DEK: variants seen among roughly 807,000 people sequenced by gnomAD.
DEK encodes the protein DEK proto-oncogene.
DEK carries 28 observed loss-of-function variants against 46.8 expected under a neutral mutation model. The ratio of observed to expected loss-of-function variants is 0.60; its 90% CI spans 0.44 to 0.82. The LOEUF (loss-of-function observed/expected upper bound fraction) is 0.82. Ranked by LOEUF, DEK falls within the 40% of genes least tolerant of loss-of-function variation. The probability of loss-of-function intolerance (pLI) is 0.00; values close to 1 mark genes in which losing one functional copy is unlikely to be tolerated. For missense variants in DEK, 416 were observed against 430.6 expected (o/e 0.97, Z 0.30); for synonymous variants, 160 against 144.5 (o/e 1.11, Z -0.77).
Position 18,258,039 on chromosome 6 carries a change from T to C in DEK, c.271A>G (p.Ile91Val), listed in dbSNP as rs1352064035. 6.2e-7 allele frequency: 1 copy of C among 1,609,822 alleles called. No individual in the cohort carries two copies. ...CTTAGAAAAAAATGTATCCTCTCAATTTCACAAAGTTTCTGCCCCTTTCCT... is the reference window on the plus strand; with the variant it reads ...CTTAGAAAAAAATGTATCCTCTCAACTTCACAAAGTTTCTGCCCCTTTCCT... ...AQGKGQKLCE[I>V]ERIHFFLSKK... The change falls in exon 4 of 11, where the codon ATT becomes GTT. Residue 91 changes from isoleucine (I) to valine (V), a missense_variant. Ile to Val is a conservative substitution (Grantham distance 29). Transcript: ENST00000652689.
At chr6:18,251,500 A>C (rs1791372635) in intron 6 of DEK, among the ~76,000 whole-genome samples, 1 of 152,198 alleles carries the variant, frequency 6.6e-6, no homozygotes, top group South Asian at 2.1e-4. Context: ...ACCCTTCTAA[A>C]GGCACACTAG....
At chr6:18,249,179 A>G (rs1257474905) in intron 7 of DEK, among the ~76,000 whole-genome samples, 1 of 152,220 alleles carries the variant, frequency 6.6e-6, no homozygotes, top group East Asian at 1.9e-4. Flanking sequence ...CTCATTATAT[A>G]AACTTCAAAT....
chr6:18,255,326 A>T (rs922421944), intron 6 of DEK, among the ~76,000 whole-genome samples: 5 of 152,198 alleles, frequency 3.3e-5, no homozygotes, highest in African/African-American at 1.2e-4. Flanking sequence ...TCCAGGATCT[A>T]GGAAAACATC....
chr6:18,227,263 TGTCTCG>T (rs1381636345), intron 9 of DEK, among the ~76,000 whole-genome samples: 22 of 152,114 alleles, frequency 1.4e-4, no homozygotes, highest in Non-Finnish European at 2.8e-4. Flanking sequence ...GGCAATGGAA[TGTCTCG>T]GTATAAAACC....
In DEK at chr6:18,225,512, G is replaced by C; in HGVS notation, c.*207C>G. 2.0e-6 allele frequency: 1 copy of C among 492,592 alleles called. No homozygotes were observed. The highest frequency in any genetic ancestry group is 3.6e-6 in the Non-Finnish European group (1 of 280,406). 30.5% of individuals were successfully genotyped at this position (492,592 alleles called of 1,614,324 possible). On this transcript the variant is annotated 3_prime_UTR_variant, in exon 11 of 11. Coordinates refer to ENST00000652689, the MANE Select transcript of DEK (RefSeq NM_003472.4). Reference sequence around the variant, plus strand: ...GCAAGGAACAATTAATGCCATGCAAGATTTTAAACTAAAAATGGCATAGAA... The same window carrying C: ...GCAAGGAACAATTAATGCCATGCAACATTTTAAACTAAAAATGGCATAGAA...
At position 18,237,563 on chromosome 6, in the gene DEK, C is replaced by A. The variant is rs201125525; in HGVS notation, c.763-47G>T. On this transcript the variant is annotated intron_variant, in intron 7 of 10. Coordinates refer to ENST00000652689, the MANE Select transcript of DEK (RefSeq NM_003472.4). ...GTACACATATTGATGAGATTCAATG[C>A]TATCCCATCCCATCCCTCTACTTCC... The A allele has an allele frequency of 1.4e-5, 22 of 1,554,210 alleles. No homozygotes were observed. The South Asian group carries it at 2.7e-4, about 19-fold the overall frequency.
chr6:18,263,680 C>A (rs917419396), intron 2 of DEK, among the ~76,000 whole-genome samples, 163 bp downstream of exon 2: 1 of 152,232 alleles, frequency 6.6e-6, no homozygotes, highest in Non-Finnish European at 1.5e-5. Context: ...TCTACGCCAT[C>A]GCTCAAAACA....
At chr6:18,254,479 G>A (rs150921583) in intron 6 of DEK, among the ~76,000 whole-genome samples, 55 of 151,824 alleles carry the variant, frequency 3.6e-4, no homozygotes, top group African/African-American at 1.1e-3. Context: ...CTTTTGAAAA[G>A]TTATTTTTCC....
rs1437569089 is a variant in DEK, at chr6:18,263,866, T to G, written c.122A>C (p.Glu41Ala). The G allele has an allele frequency of 1.3e-5, 21 of 1,612,512 alleles. No individual in the cohort carries two copies. The highest frequency in any genetic ancestry group is 1.8e-5 in the Non-Finnish European group (21 of 1,179,296). Residue 41 changes from glutamate (E) to alanine (A), a missense_variant, in exon 2 of 11, where the codon GAG becomes GCG. By Grantham distance (107) the Glu-to-Ala change is moderately radical (BLOSUM62 -1). Coordinates refer to ENST00000652689, the MANE Select transcript of DEK (RefSeq NM_003472.4). ...ESEEEEDEDDEEEEEEEKEKS... is the reference protein window; with the variant it reads ...ESEEEEDEDDAEEEEEEKEKS... ...ACCTTTTTCCTCCTCCTCCTCCTCCTCGTCGTCCTCGTCCTCTTCCTCCTC... is the reference window on the plus strand; with the variant it reads ...ACCTTTTTCCTCCTCCTCCTCCTCCGCGTCGTCCTCGTCCTCTTCCTCCTC...
Position 18,236,624 on chromosome 6 carries a change from A to C in DEK, c.899-24T>G, listed in dbSNP as rs767820868. On this transcript the variant is annotated intron_variant, in intron 8 of 10. Coordinates refer to ENST00000652689, the MANE Select transcript of DEK (RefSeq NM_003472.4). ...TTCTAAAAGTAATATAATAATAATA[A>C]TTTTTCTTACATAGTAAATTAACAT... 3.7e-6 allele frequency: 5 copies of C among 1,366,422 alleles called. No individual in the cohort carries two copies. The Admixed American group carries it at 8.2e-5, about 22-fold the overall frequency. The allele number at this position is 1,366,422 out of a possible 1,614,324, so 84.6% of individuals were successfully genotyped here. A position where few individuals can be genotyped will look rare whatever the true frequency, so the allele number is the denominator to read the frequency against.
intron 9 of DEK, among the ~76,000 whole-genome samples, 162 bp downstream of exon 9, chr6:18,236,290 T>C (rs1476855906): frequency 2.6e-5 from 4 of 152,220 alleles, no homozygotes; most frequent in African/African-American, 9.6e-5. Context: ...CTTTGACTAT[T>C]TTAAGTGGTA....
chr6:18,245,809 C>T (rs1301031254), intron 7 of DEK, among the ~76,000 whole-genome samples: 2 of 152,222 alleles, frequency 1.3e-5, no homozygotes, highest in African/African-American at 4.8e-5. Flanking sequence ...CCAAATCTCA[C>T]CTTGAATTGT....
At chr6:18,255,540 A>G (rs1791561484) in intron 6 of DEK, among the ~76,000 whole-genome samples, 191 bp downstream of exon 6, 1 of 152,228 alleles carries the variant, frequency 6.6e-6, no homozygotes, top group Admixed American at 6.5e-5. Flanking sequence ...TGATTTTCCG[A>G]AGCAACATAC....
At position 18,257,974 on chromosome 6, in the gene DEK, C is replaced by G; in HGVS notation, c.336G>C (p.Leu112=). ...TTACAGTGCCTGGCCTGTTGTAAAG[C>G]AGTTTGTGTAGATTTCTAAGTTCAT... The part of the protein sequence containing the change: ...KTDELRNLHK[L]LYNRPGTVSS... Residue 112 remains leucine, a synonymous_variant, in exon 4 of 11, where the codon CTG becomes CTC. Coordinates refer to ENST00000652689, the MANE Select transcript of DEK (RefSeq NM_003472.4). The G allele has an allele frequency of 1.2e-6, 2 of 1,608,696 alleles. No homozygotes were observed. Among genetic ancestry groups the G allele is most frequent in the Non-Finnish European group, 1.7e-6 (2 of 1,178,374 alleles).
intron 7 of DEK, among the ~76,000 whole-genome samples, chr6:18,247,747 C>A (rs1466463720): frequency 6.6e-6 from 1 of 152,034 alleles, no homozygotes. Context: ...TCTCAGCTCA[C>A]TGCAACCTCT....
At chr6:18,242,706 T>G (rs1231791630) in intron 7 of DEK, among the ~76,000 whole-genome samples, 1 of 152,140 alleles carries the variant, frequency 6.6e-6, no homozygotes, top group Non-Finnish European at 1.5e-5. Flanking sequence ...CTTATGTGAC[T>G]TAATAATGGC....
At chr6:18,237,651 T>C in intron 7 of DEK, 135 bp from the exon 8 acceptor site, 1 of 1,196,304 alleles carries the variant, frequency 8.4e-7, no homozygotes, top group Non-Finnish European at 1.1e-6. Flanking sequence ...TAAAAATTCT[T>C]TTTGAGAGAT....
At chr6:18,234,740 TCTC>T (rs1376435373) in intron 9 of DEK, among the ~76,000 whole-genome samples, 2 of 152,202 alleles carry the variant, frequency 1.3e-5, no homozygotes, top group Middle Eastern at 3.4e-3. Context: ...TCCTGTAACT[TCTC>T]CTTTCCCACC....
chr6:18,247,374 AAT>A (rs548373316), intron 7 of DEK, among the ~76,000 whole-genome samples: 465 of 152,310 alleles, frequency 3.1e-3, no homozygotes, highest in Non-Finnish European at 5.4e-3. Flanking sequence ...CCTCTAATAA[AAT>A]ATGATATAGC....
Sources: allele counts gnomAD v4.1 joint callset (sites outside exome capture counted in the v4.1 genomes callset), GRCh38; gene constraint gnomAD v4.1.1; transcripts MANE v1.5; gene names NCBI Gene and HGNC (gene_info 2026-07-23, HGNC 2026-07-21).